Variants in UGT2A1 observed in about 807,000 individuals in gnomAD.
UGT2A1 encodes the protein UDP glucuronosyltransferase family 2 member A1 complex locus.
Under a neutral mutation model 45.4 loss-of-function variants are expected in UGT2A1, and 61 were observed. The observed-to-expected ratio is 1.34, with a 90% CI of 1.09 to 1.66. UGT2A1 has a LOEUF of 1.66. Among genes scored for constraint, UGT2A1 ranks in the 40% most tolerant of loss-of-function variants. The probability of loss-of-function intolerance (pLI) is 0.00; values close to 1 mark genes in which losing one functional copy is unlikely to be tolerated. For synonymous variants in UGT2A1, 229 were observed against 196.2 expected, an observed-to-expected ratio of 1.17 and a Z score of -1.40; for missense variants, 649 against 574.3, an observed-to-expected ratio of 1.13 and a Z score of -1.33.
intron 4 of UGT2A1, among the ~76,000 whole-genome samples, chr4:69,596,975 C>G (rs997847196): frequency 2.6e-4 from 40 of 152,302 alleles, no homozygotes; most frequent in Middle Eastern, 3.4e-3. Context: ...ATTGTTACCC[C>G]CAAGGCTTAA....
intron 3 of UGT2A1, among the ~76,000 whole-genome samples, chr4:69,616,263 G>T (rs938108224): frequency 1.3e-5 from 2 of 151,920 alleles, no homozygotes; most frequent in African/African-American, 4.8e-5. Context: ...TATAAAGAGG[G>T]CATGATTAAT....
intron 1 of UGT2A1, among the ~76,000 whole-genome samples, chr4:69,652,048 G>A (rs542284389): frequency 1.4e-4 from 21 of 152,032 alleles, no homozygotes; most frequent in African/African-American, 4.6e-4. Flanking sequence ...ATAAACTTCC[G>A]CTCCTGCTCT....
intron 2 of UGT2A1, chr4:69,639,312 G>A (rs1257214264): frequency 6.2e-7 from 1 of 1,613,712 alleles, no homozygotes; most frequent in Non-Finnish European, 8.5e-7. Context: ...TATTGTGAGA[G>A]GAGTTGGTCT....
intron 3 of UGT2A1, among the ~76,000 whole-genome samples, chr4:69,607,349 G>A (rs1234373954): frequency 2.0e-5 from 3 of 151,422 alleles, no homozygotes; most frequent in African/African-American, 7.3e-5. Flanking sequence ...ATGGTGCTGG[G>A]AAAACTGGCT....
intron 3 of UGT2A1, among the ~76,000 whole-genome samples, chr4:69,632,678 A>G (rs1721453266): frequency 6.6e-6 from 1 of 152,022 alleles, no homozygotes; most frequent in African/African-American, 2.4e-5. Flanking sequence ...TCACAAAGTC[A>G]AGAGTTTGAG....
chr4:69,647,792 A>G (rs1722350705), intron 1 of UGT2A1, 94 bp from the exon 2 acceptor site: 2 of 540,040 alleles, frequency 3.7e-6, no homozygotes, highest in East Asian at 6.2e-5. Context: ...AAGTGATACT[A>G]GTCATAGTAG....
At chr4:69,629,412 C>T (rs1260606272) in intron 3 of UGT2A1, among the ~76,000 whole-genome samples, 1 of 152,042 alleles carries the variant, frequency 6.6e-6, no homozygotes, top group Non-Finnish European at 1.5e-5. Flanking sequence ...TTTTGGAATA[C>T]AGTGCCTAAT....
chr4:69,639,290 G>T, intron 2 of UGT2A1: 1 of 1,613,658 alleles, frequency 6.2e-7, no homozygotes, highest in Non-Finnish European at 8.5e-7. Flanking sequence ...CTAGTTCTTT[G>T]TAGAAAGCCC....
rs528013013 is a variant in UGT2A1, at chr4:69,610,871, C to T, written c.848-11477G>A. On this transcript the variant is annotated intron_variant, in intron 3 of 6. Coordinates refer to ENST00000286604, the MANE Select transcript of UGT2A1 (RefSeq NM_001252275.3). ...TTCTTGTATTAGTTTGCTAGCACTG[C>T]TACAGCTACACACCACTGGTTAGGA... is the stretch of plus-strand genomic sequence containing the variant. Among the ~76,000 whole-genome samples, 93 of 152,286 alleles carry T rather than the reference C, an allele frequency of 6.1e-4. 1 individual carries two copies. The highest frequency in any genetic ancestry group is 1.0e-3 in the Admixed American group (16 of 15,284).
At chr4:69,639,562 C>G (rs1432081771) in intron 2 of UGT2A1, 2 of 1,611,816 alleles carry the variant, frequency 1.2e-6, no homozygotes, top group South Asian at 2.2e-5. Flanking sequence ...CCACTTAGAA[C>G]AACTTCAGTC....
chr4:69,600,338 T>C (rs1311164435), intron 3 of UGT2A1, among the ~76,000 whole-genome samples: 1 of 152,224 alleles, frequency 6.6e-6, no homozygotes, highest in Non-Finnish European at 1.5e-5. Flanking sequence ...AAGTCACTCC[T>C]AATCCTATAT....
intron 3 of UGT2A1, among the ~76,000 whole-genome samples, chr4:69,629,405 T>C (rs1010743872): frequency 2.6e-5 from 4 of 152,100 alleles, no homozygotes; most frequent in African/African-American, 9.7e-5. Context: ...TCCAATCTTT[T>C]GGAATACAGT....
intron 6 of UGT2A1, among the ~76,000 whole-genome samples, chr4:69,591,559 T>C (rs1473255541): frequency 6.6e-6 from 1 of 152,064 alleles, no homozygotes; most frequent in Non-Finnish European, 1.5e-5. Context: ...AGACTGAAAG[T>C]CTGTGTTGAT....
At chr4:69,589,942 C>T (rs553370248) in intron 6 of UGT2A1, among the ~76,000 whole-genome samples, 2 of 152,224 alleles carry the variant, frequency 1.3e-5, no homozygotes, top group South Asian at 2.1e-4. Context: ...AATTTTGATA[C>T]TGTGTGAGCT....
chr4:69,650,083 T>C (rs949514130), intron 1 of UGT2A1, among the ~76,000 whole-genome samples: 6 of 152,134 alleles, frequency 3.9e-5, no homozygotes, highest in South Asian at 2.1e-4. Flanking sequence ...GCCCCCTCTC[T>C]GCTGTGGAAA....
rs770500398 is a variant in UGT2A1 at position 69,639,243 on chromosome 4, T to G, written c.716-3421A>C. The G allele has an allele frequency of 1.1e-5, 18 of 1,613,694 alleles. 1 individual carries two copies. Among genetic ancestry groups the G allele is most frequent in the Non-Finnish European group, 1.4e-5 (16 of 1,179,750 alleles). On this transcript the variant is annotated intron_variant, in intron 2 of 6. Transcript: ENST00000286604. ...GTTCTTTAGTACACCATCACAGAGT[T>G]GTATGTTAATTTGAAAGAAAGTGTC...
chr4:69,593,972 T>A (rs1175351454), intron 6 of UGT2A1, among the ~76,000 whole-genome samples: 1 of 103,710 alleles, frequency 9.6e-6, no homozygotes, highest in Admixed American at 1.1e-4. Context: ...GAAGTCTTTT[T>A]TTTTGTTTGT....
At position 69,638,974 on chromosome 4, in the gene UGT2A1, T is replaced by A. The variant is rs767095434; in HGVS notation, c.716-3152A>T. 1.9e-6 allele frequency: 3 copies of A among 1,613,016 alleles called. No homozygotes were observed. In the East Asian group the frequency reaches 6.7e-5, roughly 36 times the overall value. On this transcript the variant is annotated intron_variant, in intron 2 of 6. Transcript: ENST00000286604. Reference sequence around the variant, plus strand: ...ATATAGTCTTGCAGAGAATAAGATATGGTATTTTTAATCCTTTCACCAAAG... The same window carrying A: ...ATATAGTCTTGCAGAGAATAAGATAAGGTATTTTTAATCCTTTCACCAAAG...
Position 69,647,333 on chromosome 4 carries a change from A to C in UGT2A1, c.312T>G (p.Ile104Met), listed in dbSNP as rs150459582. 2 of 1,613,286 alleles carry C rather than the reference A, an allele frequency of 1.2e-6. No individual in the cohort carries two copies. The highest frequency in any genetic ancestry group is 1.3e-5 in the African/African-American group (1 of 74,934). ...WLENRPSPST[I>M]WRFYQEMAKV... ...TGGCCATCTCCTGATAGAATCTCCA[A>C]ATGGTTGAAGGAGATGGTCTATTTT... Residue 104 changes from isoleucine (I) to methionine (M), a missense_variant, in exon 2 of 7, where the codon ATT becomes ATG. Ile to Met is a conservative substitution (Grantham distance 10). Coordinates refer to ENST00000286604, the MANE Select transcript of UGT2A1 (RefSeq NM_001252275.3).
Sources: gnomAD v4.1 joint callset for allele counts (sites outside exome capture counted in the v4.1 genomes callset) on GRCh38, gnomAD v4.1.1 for gene constraint, MANE v1.5 for transcripts, NCBI Gene and HGNC (gene_info 2026-07-23, HGNC 2026-07-21) for gene names.